TBL1XR1: variants seen among roughly 807,000 people sequenced by gnomAD.
TBL1XR1 encodes the protein TBL1X/Y related 1, also known as F-box-like/WD repeat-containing protein TBL1XR1.
Under a neutral mutation model 66.9 loss-of-function variants are expected in TBL1XR1, and 5 were observed. The observed-to-expected ratio is 0.07, with a 90% CI of 0.04 to 0.16. The LOEUF (loss-of-function observed/expected upper bound fraction) is 0.16, where lower values mean the gene tolerates loss of function less well. TBL1XR1 is among the 10% of genes least tolerant of loss of function. The pLI is 1.00. For missense variants in TBL1XR1, 238 were observed against 623.2 expected, an observed-to-expected ratio of 0.38 and a Z score of 6.58; for synonymous variants, 210 against 206.0, an observed-to-expected ratio of 1.02 and a Z score of -0.17.
chr3:177,099,899 T>A (rs1009093322), intron 1 of TBL1XR1, among the ~76,000 whole-genome samples: 1 of 152,266 alleles, frequency 6.6e-6, no homozygotes, highest in African/African-American at 2.4e-5. Context: ...ATGCATTCAA[T>A]TTATTTATAA....
At chr3:177,045,505 G>A (rs1246210915) in intron 10 of TBL1XR1, among the ~76,000 whole-genome samples, 1 of 152,010 alleles carries the variant, frequency 6.6e-6, no homozygotes, top group Non-Finnish European at 1.5e-5. Context: ...CACTATTTTC[G>A]AGGTCTGATT....
At chr3:177,166,386 A>C (rs1400833097) in intron 1 of TBL1XR1, among the ~76,000 whole-genome samples, 1 of 152,208 alleles carries the variant, frequency 6.6e-6, no homozygotes, top group Non-Finnish European at 1.5e-5. Context: ...GTAAATATGC[A>C]TGTGAAAAGA....
At chr3:177,059,009 T>C (rs1461733189) in intron 3 of TBL1XR1, among the ~76,000 whole-genome samples, 1 of 152,226 alleles carries the variant, frequency 6.6e-6, no homozygotes, top group Non-Finnish European at 1.5e-5. Context: ...ACCATGTGTG[T>C]AAAATCAAGG....
chr3:177,027,027 CTTG>C (rs1203228717), intron 14 of TBL1XR1: 7 of 152,420 alleles, frequency 4.6e-5, no homozygotes, highest in Admixed American at 2.6e-4. Flanking sequence ...TAGACAGGGT[CTTG>C]TTGTTACCCA....
chr3:177,182,881 G>A (rs968034675), intron 1 of TBL1XR1, among the ~76,000 whole-genome samples: 1 of 152,106 alleles, frequency 6.6e-6, no homozygotes, highest in South Asian at 2.1e-4. Context: ...TGGGATATAA[G>A]AAACTTTATA....
intron 1 of TBL1XR1, among the ~76,000 whole-genome samples, chr3:177,099,148 C>A (rs1021385441): frequency 3.3e-5 from 5 of 152,134 alleles, no homozygotes; most frequent in African/African-American, 1.2e-4. Flanking sequence ...AGGCGGATCA[C>A]CTGAGGTCAG....
At chr3:177,157,491 A>G (rs1731658718) in intron 1 of TBL1XR1, among the ~76,000 whole-genome samples, 1 of 152,192 alleles carries the variant, frequency 6.6e-6, no homozygotes, top group African/African-American at 2.4e-5. Context: ...AAGAAATAGC[A>G]CATTTGTACT....
chr3:177,175,760 AAAT>A (rs1352143996), intron 1 of TBL1XR1, among the ~76,000 whole-genome samples: 9 of 152,156 alleles, frequency 5.9e-5, no homozygotes, highest in African/African-American at 1.4e-4. Flanking sequence ...TGAAGCATTA[AAAT>A]AATAAGTTAT....
At chr3:177,057,338 C>CT (rs1353613328) in intron 3 of TBL1XR1, among the ~76,000 whole-genome samples, 15 of 152,288 alleles carry the variant, frequency 9.8e-5, no homozygotes, top group African/African-American at 3.4e-4. Flanking sequence ...TGGTTATCAA[C>CT]TGTGTGGCTA....
chr3:177,193,468 G>A (rs550510938), intron 1 of TBL1XR1, among the ~76,000 whole-genome samples: 8 of 151,902 alleles, frequency 5.3e-5, no homozygotes, highest in Non-Finnish European at 1.2e-4. Flanking sequence ...CCGCCACCAC[G>A]CCCAGCTAAT....
At chr3:177,119,812 G>T (rs114666762) in intron 1 of TBL1XR1, among the ~76,000 whole-genome samples, 2,078 of 152,278 alleles carry the variant, frequency 0.014, 56 homozygotes, top group African/African-American at 0.047. Flanking sequence ...CCTGTGTATT[G>T]AATTAGTGCT....
intron 2 of TBL1XR1, among the ~76,000 whole-genome samples, chr3:177,097,852 C>T (rs907026163): frequency 4.6e-5 from 7 of 152,102 alleles, no homozygotes; most frequent in African/African-American, 1.4e-4. Context: ...AAGACCATCA[C>T]GATATAACAA....
chr3:177,196,549 C>CGGCCGGGGTCGCCGCGCCCG, intron 1 of TBL1XR1: 2 of 148,258 alleles, frequency 1.3e-5, no homozygotes, highest in East Asian at 3.9e-4. Flanking sequence ...CCCAGCACGC[C>CGGCCGGGGTCGCCGCGCCCG]GGCCGGGGTC....
At chr3:177,028,853 C>T (rs1300144166) in intron 14 of TBL1XR1, among the ~76,000 whole-genome samples, 2 of 151,820 alleles carry the variant, frequency 1.3e-5, no homozygotes, top group Non-Finnish European at 2.9e-5. Flanking sequence ...AAGGCAAATA[C>T]GTAAATGGAA....
At chr3:177,188,060 T>C (rs1394841471) in intron 1 of TBL1XR1, among the ~76,000 whole-genome samples, 1 of 147,834 alleles carries the variant, frequency 6.8e-6, no homozygotes, top group Non-Finnish European at 1.5e-5. Context: ...GGCTAACAGG[T>C]AGCTGGGATT....
At chr3:177,183,889 A>ATCCGGGAGGC (rs1266195157) in intron 1 of TBL1XR1, among the ~76,000 whole-genome samples, 1 of 151,988 alleles carries the variant, frequency 6.6e-6, no homozygotes, top group African/African-American at 2.4e-5. Flanking sequence ...GATCACCTGA[A>ATCCGGGAGGC]GTCAGGAGCT....
At chr3:177,085,410 G>A (rs1721996315) in intron 2 of TBL1XR1, among the ~76,000 whole-genome samples, 1 of 152,122 alleles carries the variant, frequency 6.6e-6, no homozygotes, top group Admixed American at 6.5e-5. Context: ...TTAATTGCTT[G>A]CTTTCATTTA....
intron 1 of TBL1XR1, among the ~76,000 whole-genome samples, chr3:177,108,391 G>C (rs1463629339): frequency 6.6e-6 from 1 of 152,068 alleles, no homozygotes; most frequent in Non-Finnish European, 1.5e-5. Context: ...GGGTAAGAAT[G>C]GAAAGAATAA....
intron 1 of TBL1XR1, among the ~76,000 whole-genome samples, chr3:177,180,234 T>TC (rs1469536491): frequency 1.6e-4 from 6 of 36,656 alleles, no homozygotes; most frequent in South Asian, 9.0e-4. Flanking sequence ...AGACTCCGTC[T>TC]CAAAAAAAAA....
Sources: gnomAD v4.1 joint callset for allele counts (sites outside exome capture counted in the v4.1 genomes callset) on GRCh38, gnomAD v4.1.1 for gene constraint, MANE v1.5 for transcripts, NCBI Gene and HGNC (gene_info 2026-07-23, HGNC 2026-07-21) for gene names.